The following MAN1C1 variants were observed in gnomAD, a reference collection of about 807,000 sequenced individuals.
MAN1C1 encodes mannosyl-oligosaccharide 1,2-alpha-mannosidase IC.
MAN1C1 carries 49 observed loss-of-function variants against 71.5 expected under a neutral mutation model. The ratio of observed to expected loss-of-function variants is 0.69; its 90% CI spans 0.54 to 0.87. MAN1C1 has a LOEUF of 0.87. Ranked by LOEUF, MAN1C1 falls within the 40% of genes least tolerant of loss-of-function variation. The pLI is 0.00. For synonymous variants in MAN1C1, 352 were observed against 343.7 expected (o/e 1.02, Z -0.27); for missense variants, 743 against 835.0 (o/e 0.89, Z 1.36).
rs1406979660 is a variant in MAN1C1, at chr1:25,725,567, G to T, written c.638-21101G>T. 6.6e-6 allele frequency among the ~76,000 whole-genome samples: 1 copy of T among 152,214 alleles called. No homozygotes were observed. Among genetic ancestry groups the T allele is most frequent in the Non-Finnish European group, 1.5e-5 (1 of 68,034 alleles). On this transcript the variant is annotated intron_variant, in intron 2 of 11. Coordinates refer to ENST00000374332, the MANE Select transcript of MAN1C1 (RefSeq NM_020379.4). This position sits in a 1 kb window ranked among gnomAD's most constrained non-coding sequence, Gnocchi z 4.8. ...GGCATGGTGGCGTGAGAGTACAGGA[G>T]TACTTGTTAGGGGTCCACTAGAGCA...
chr1:25,740,582 G>A (rs572327241), intron 2 of MAN1C1, among the ~76,000 whole-genome samples: 93 of 152,188 alleles, frequency 6.1e-4, no homozygotes, highest in African/African-American at 2.1e-3. Flanking sequence ...GACTATAGGC[G>A]CCCGCCACCA....
intron 1 of MAN1C1, chr1:25,654,301 GT>G (rs2045732968): frequency 6.6e-6 from 1 of 152,266 alleles, no homozygotes; most frequent in Non-Finnish European, 1.5e-5. Flanking sequence ...GAAGTCTTGT[GT>G]ATGTGGTCCT....
At chr1:25,639,992 C>T (rs2045515562) in intron 1 of MAN1C1, among the ~76,000 whole-genome samples, 1 of 152,190 alleles carries the variant, frequency 6.6e-6, no homozygotes, top group South Asian at 2.1e-4. Flanking sequence ...TTTCTCTGGG[C>T]TTTTTACCTT....
chr1:25,622,951 G>A (rs559196884), intron 1 of MAN1C1, among the ~76,000 whole-genome samples: 3 of 152,200 alleles, frequency 2.0e-5, no homozygotes, highest in African/African-American at 7.2e-5. Flanking sequence ...ATGTGAATCT[G>A]AGCCTGTGAG....
intron 1 of MAN1C1, among the ~76,000 whole-genome samples, chr1:25,661,905 T>C (rs2045855048): frequency 6.6e-6 from 1 of 152,242 alleles, no homozygotes; most frequent in Admixed American, 6.5e-5. Flanking sequence ...CTATAAGCTC[T>C]ATAAACTGTA....
intron 8 of MAN1C1, among the ~76,000 whole-genome samples, chr1:25,773,551 G>C (rs1465908631): frequency 2.4e-4 from 37 of 152,232 alleles, no homozygotes; most frequent in Admixed American, 2.4e-3. Context: ...GCTCAGACCA[G>C]AGCCCCGGTC....
chr1:25,723,996 C>T (rs2046800168), intron 2 of MAN1C1, among the ~76,000 whole-genome samples: 1 of 151,480 alleles, frequency 6.6e-6, no homozygotes, highest in South Asian at 2.1e-4. Context: ...TTCACCTGAT[C>T]CAGGCTGGGC....
chr1:25,650,889 TTTCAAATCAGTTTTAA>T (rs1274675721), intron 1 of MAN1C1, among the ~76,000 whole-genome samples: 7 of 152,330 alleles, frequency 4.6e-5, no homozygotes, highest in African/African-American at 1.7e-4. Flanking sequence ...AGCTCTCCTA[TTTCAAATCAGTTTTAA>T]TAGCAAAGGC....
chr1:25,749,380 G>T (rs200193440), intron 4 of MAN1C1, 45 bp downstream of exon 4: 6 of 1,486,156 alleles, frequency 4.0e-6, no homozygotes, highest in Non-Finnish European at 5.6e-6. Flanking sequence ...GGCTGGAAAG[G>T]GCTTTGGAGA....
chr1:25,649,471 G>A (rs2045659977), intron 1 of MAN1C1, among the ~76,000 whole-genome samples: 1 of 152,166 alleles, frequency 6.6e-6, no homozygotes, highest in Admixed American at 6.5e-5. Flanking sequence ...CCTCACTCTT[G>A]TTTTCACTTG....
At chr1:25,623,167 C>G (rs1389163478) in intron 1 of MAN1C1, among the ~76,000 whole-genome samples, 2 of 152,132 alleles carry the variant, frequency 1.3e-5, no homozygotes, top group Middle Eastern at 3.2e-3. Flanking sequence ...CTTGGAAAAC[C>G]CTTACATCCT....
intron 6 of MAN1C1, 194 bp downstream of exon 6, chr1:25,758,903 G>A (rs2124367573): frequency 1.7e-6 from 1 of 593,410 alleles, no homozygotes; most frequent in Non-Finnish European, 3.0e-6. Context: ...GGGAAGGTGA[G>A]CACGCAGAGT....
In MAN1C1 at chr1:25,746,613, TG is replaced by T. The variant is rs939985671; in HGVS notation, c.638-51del. On this transcript the variant is annotated intron_variant, in intron 2 of 11. Coordinates refer to ENST00000374332, the MANE Select transcript of MAN1C1 (RefSeq NM_020379.4). The surrounding 1 kb of genome is among the most constrained non-coding windows in gnomAD (Gnocchi z 4.0). ...CCCTGAGAACGGTGGCTTGTCCAGTTGGGGAAAAGAGAAAGATGGCCCTGGG... is the reference window on the plus strand; with the variant it reads ...CCCTGAGAACGGTGGCTTGTCCAGTTGGGAAAAGAGAAAGATGGCCCTGGG... 3 of 1,373,252 alleles carry T rather than the reference TG, an allele frequency of 2.2e-6. No homozygotes were observed. The African/African-American group carries it at 4.3e-5, about 20-fold the overall frequency. The allele number at this position is 1,373,252 out of a possible 1,614,324, so 85.1% of individuals were successfully genotyped here.
At chr1:25,756,802 A>G (rs978724835) in intron 5 of MAN1C1, among the ~76,000 whole-genome samples, 1 of 152,114 alleles carries the variant, frequency 6.6e-6, no homozygotes, top group African/African-American at 2.4e-5. Context: ...GGTATGAATG[A>G]TGCTTTACGT....
At chr1:25,680,820 A>G (rs377751606) in intron 1 of MAN1C1, among the ~76,000 whole-genome samples, 1 of 152,170 alleles carries the variant, frequency 6.6e-6, no homozygotes, top group East Asian at 1.9e-4. Context: ...TTTCTGGGGT[A>G]TGTGTCAGGG....
chr1:25,780,976 C>G lies in MAN1C1; in HGVS notation c.1514C>G (p.Ser505Cys). ...KLGPEAFWFN[S>C]GREAVATQLS... ...GGGCCTGAGGCCTTCTGGTTTAACT[C>G]CGGCAGAGAGGCCGTGGCCACCCAG... Residue 505 changes from serine (S) to cysteine (C), a missense_variant, in exon 10 of 12, where the codon TCC (serine) becomes TGC (cysteine). Physicochemically the swap from Ser to Cys is moderately radical, Grantham distance 112. Coordinates refer to ENST00000374332, the MANE Select transcript of MAN1C1 (RefSeq NM_020379.4). The G allele has an allele frequency of 1.2e-6, 2 of 1,614,154 alleles. No homozygotes were observed. Among genetic ancestry groups the G allele is most frequent in the Non-Finnish European group, 8.5e-7 (1 of 1,180,006 alleles).
Position 25,769,958 on chromosome 1 carries a change from C to CAG in MAN1C1, c.1142-1699_1142-1698insAG, listed in dbSNP as rs2047525156. 6.6e-6 allele frequency among the ~76,000 whole-genome samples: 1 copy of CAG among 152,120 alleles called. No homozygotes were observed. Among genetic ancestry groups the CAG allele is most frequent in the African/African-American group, 2.4e-5 (1 of 41,422 alleles). ...AGGCTTGTGAGAATGCCTGAGCCCC[C>CAG]GCGTGGGGAATGAGGTGGGGAGGGT... is the stretch of plus-strand genomic sequence containing the variant. On this transcript the variant is annotated intron_variant, in intron 7 of 11. Coordinates refer to ENST00000374332, the MANE Select transcript of MAN1C1 (RefSeq NM_020379.4). The surrounding 1 kb of genome is among the most constrained non-coding windows in gnomAD (Gnocchi z 4.8).
At chr1:25,622,970 G>C (rs2045236956) in intron 1 of MAN1C1, among the ~76,000 whole-genome samples, 1 of 152,296 alleles carries the variant, frequency 6.6e-6, no homozygotes, top group South Asian at 2.1e-4. Flanking sequence ...AGATGTTCAG[G>C]ATAATTAATA....
intron 10 of MAN1C1, 144 bp downstream of exon 10, chr1:25,781,256 A>T: frequency 1.2e-6 from 1 of 865,892 alleles, no homozygotes; most frequent in Non-Finnish European, 1.8e-6. Flanking sequence ...CAAAGGGTCA[A>T]GGTGGTGGTT....
Sources: allele counts gnomAD v4.1 joint callset (sites outside exome capture counted in the v4.1 genomes callset), GRCh38; gene constraint gnomAD v4.1.1; non-coding constraint Gnocchi (gnomAD v3.1); transcripts MANE v1.5; gene names NCBI Gene and HGNC (gene_info 2026-07-23, HGNC 2026-07-21).